The following CPEB3 variants were observed in gnomAD, a reference collection of about 807,000 sequenced individuals.
CPEB3 encodes the protein cytoplasmic polyadenylation element binding protein 3, also known as cytoplasmic polyadenylation element-binding protein 3.
CPEB3 carries 20 observed loss-of-function variants against 67.2 expected under a neutral mutation model. The observed-to-expected ratio is 0.30, with a 90% CI of 0.21 to 0.43. The LOEUF (loss-of-function observed/expected upper bound fraction) is 0.43. Among genes scored for constraint, CPEB3 ranks in the 20% least tolerant of loss-of-function variants. The pLI is 1.00. For synonymous variants in CPEB3, 376 were observed against 393.1 expected (o/e 0.96, Z 0.51); for missense variants, 746 against 968.6 (o/e 0.77, Z 3.05).
At chr10:92,182,825 CA>C (rs781545538) in intron 3 of CPEB3, among the ~76,000 whole-genome samples, 133 of 49,156 alleles carry the variant, frequency 2.7e-3, no homozygotes, top group Non-Finnish European at 3.0e-3. Context: ...GACTCCGTCT[CA>C]AAAAAAAAAA....
intron 2 of CPEB3, among the ~76,000 whole-genome samples, chr10:92,195,692 C>T (rs1315785828): frequency 6.6e-6 from 1 of 152,130 alleles, no homozygotes; most frequent in Non-Finnish European, 1.5e-5. Flanking sequence ...TAAGAAAACG[C>T]TATTTGAAGG....
At chr10:92,074,143 G>T (rs1221836406) in intron 9 of CPEB3, among the ~76,000 whole-genome samples, 1 of 150,516 alleles carries the variant, frequency 6.6e-6, no homozygotes, top group Non-Finnish European at 1.5e-5. Flanking sequence ...ATGAGATCTC[G>T]CTACATTGCC....
chr10:92,100,901 T>C (rs1373351192), intron 7 of CPEB3, among the ~76,000 whole-genome samples: 1 of 152,192 alleles, frequency 6.6e-6, no homozygotes, highest in Non-Finnish European at 1.5e-5. Flanking sequence ...AAGAACAGTT[T>C]TTAACACAAA....
chr10:92,226,893 G>T (rs1042642290), intron 2 of CPEB3, among the ~76,000 whole-genome samples: 5 of 151,920 alleles, frequency 3.3e-5, no homozygotes, highest in South Asian at 2.1e-4. Context: ...GGAACAGGGA[G>T]GGGGGAGCGA....
chr10:92,276,874 A>AC (rs758547903), intron 1 of CPEB3, among the ~76,000 whole-genome samples: 33,748 of 152,100 alleles, frequency 0.22, 4,698 homozygotes, highest in Middle Eastern at 0.34. Flanking sequence ...TATGATGGCT[A>AC]GTCATCCTGG....
chr10:92,196,672 G>A (rs1192240694), intron 2 of CPEB3, among the ~76,000 whole-genome samples: 2 of 151,988 alleles, frequency 1.3e-5, no homozygotes, highest in East Asian at 3.9e-4. Flanking sequence ...GGAGGCTGAG[G>A]CAGGAGAATC....
chr10:92,180,505 T>C (rs1251878600), intron 4 of CPEB3, among the ~76,000 whole-genome samples: 1 of 152,202 alleles, frequency 6.6e-6, no homozygotes, highest in Non-Finnish European at 1.5e-5. Flanking sequence ...GGTCAGATGG[T>C]AAATAGTTTG....
At chr10:92,257,504 C>T (rs1045507519) in intron 1 of CPEB3, among the ~76,000 whole-genome samples, 1 of 151,998 alleles carries the variant, frequency 6.6e-6, no homozygotes, top group African/African-American at 2.4e-5. Context: ...CCATGTTGCC[C>T]AGGCTGGTTT....
rs1388992770 is a variant in CPEB3, at chr10:92,047,537, G to GC, written c.*4674dup. The GC allele has an allele frequency of 6.6e-6, 1 of 152,204 alleles. No individual in the cohort carries two copies. 9.4% of individuals were successfully genotyped at this position (152,204 alleles called of 1,614,324 possible). A position where few individuals can be genotyped will look rare whatever the true frequency, so the allele number is the denominator to read the frequency against. On this transcript the variant is annotated 3_prime_UTR_variant, in exon 10 of 10. Transcript: ENST00000265997. ...CATAAATGCAGTACATTCTGCATTAGCCCATGCCTCACTAACAAGCTATAA... is the reference window on the plus strand; with the variant it reads ...CATAAATGCAGTACATTCTGCATTAGCCCCATGCCTCACTAACAAGCTATAA...
chr10:92,132,455 T>TAC (rs1845886513), intron 6 of CPEB3, among the ~76,000 whole-genome samples: 1 of 152,234 alleles, frequency 6.6e-6, no homozygotes, highest in African/African-American at 2.4e-5. Flanking sequence ...TAGTATTTTC[T>TAC]TATTGTCTTG....
chr10:92,143,542 C>T (rs549199339), intron 5 of CPEB3, among the ~76,000 whole-genome samples: 2 of 152,112 alleles, frequency 1.3e-5, no homozygotes, highest in Non-Finnish European at 2.9e-5. Flanking sequence ...GAAATAGATA[C>T]GATTCTTTTG....
chr10:92,079,083 A>G (rs1843042161), intron 9 of CPEB3, among the ~76,000 whole-genome samples: 1 of 152,156 alleles, frequency 6.6e-6, no homozygotes, highest in African/African-American at 2.4e-5. Flanking sequence ...CTACTTCCAT[A>G]TAAATAAGAA....
At chr10:92,128,427 A>C (rs940954146) in intron 6 of CPEB3, among the ~76,000 whole-genome samples, 1 of 152,246 alleles carries the variant, frequency 6.6e-6, no homozygotes, top group Admixed American at 6.5e-5. Flanking sequence ...AGCTTGGCCT[A>C]GATGACCAAA....
chr10:92,152,623 A>G (rs1307116828), intron 4 of CPEB3, among the ~76,000 whole-genome samples: 4 of 152,210 alleles, frequency 2.6e-5, no homozygotes, highest in Non-Finnish European at 5.9e-5. Context: ...TAATAATTGA[A>G]GCTGATGATG....
chr10:92,274,895 C>T (rs936232894), intron 1 of CPEB3, among the ~76,000 whole-genome samples: 1 of 152,074 alleles, frequency 6.6e-6, no homozygotes, highest in South Asian at 2.1e-4. Flanking sequence ...GTATACTGTC[C>T]TCATTTAGCT....
intron 3 of CPEB3, among the ~76,000 whole-genome samples, chr10:92,182,747 A>G (rs1398881168): frequency 6.7e-6 from 1 of 149,516 alleles, no homozygotes; most frequent in Non-Finnish European, 1.5e-5. Context: ...AATCACTTGA[A>G]CTCGGAATGT....
intron 3 of CPEB3, among the ~76,000 whole-genome samples, chr10:92,190,277 T>C (rs1313326296): frequency 3.3e-5 from 5 of 150,614 alleles, no homozygotes; most frequent in Non-Finnish European, 7.4e-5. Context: ...AGACTTTGTC[T>C]CAAAAAAACC....
At chr10:92,126,871 A>G (rs905893814) in intron 6 of CPEB3, among the ~76,000 whole-genome samples, 16 of 152,194 alleles carry the variant, frequency 1.1e-4, no homozygotes, top group Non-Finnish European at 2.1e-4. Context: ...CTAGAATGAG[A>G]TAATCTTTAA....
In CPEB3 at chr10:92,091,777, G is replaced by C. The variant is rs1357077179; in HGVS notation, c.1687+53C>G. Reference sequence around the variant, plus strand: ...GAAAATATTTAAGACTAAAGGCATTGGGGATTTTGTTGTTGTTGGTTTTGT... The same window carrying C: ...GAAAATATTTAAGACTAAAGGCATTCGGGATTTTGTTGTTGTTGGTTTTGT... On this transcript the variant is annotated intron_variant, in intron 8 of 9. Coordinates refer to ENST00000265997, the MANE Select transcript of CPEB3 (RefSeq NM_014912.5). 4.6e-6 allele frequency: 5 copies of C among 1,083,900 alleles called. No individual in the cohort carries two copies. In the African/African-American group the frequency reaches 7.9e-5, roughly 17 times the overall value. The allele number at this position is 1,083,900 out of a possible 1,614,324, so 67.1% of individuals were successfully genotyped here. A position where few individuals can be genotyped will look rare whatever the true frequency, so the allele number is the denominator to read the frequency against.
Sources: gnomAD v4.1 joint callset for allele counts (sites outside exome capture counted in the v4.1 genomes callset) on GRCh38, gnomAD v4.1.1 for gene constraint, MANE v1.5 for transcripts, NCBI Gene and HGNC (gene_info 2026-07-23, HGNC 2026-07-21) for gene names.